Variants in NECTIN1 observed in about 807,000 individuals in gnomAD.
NECTIN1 encodes nectin cell adhesion molecule 1, also known as nectin-1.
Under a neutral mutation model 48.0 loss-of-function variants are expected in NECTIN1, and 23 were observed. That is an observed-to-expected ratio of 0.48 (90% CI 0.34 to 0.68). The LOEUF is 0.68. Ranked by LOEUF, NECTIN1 falls within the 30% of genes least tolerant of loss-of-function variation. The pLI, the probability that NECTIN1 is intolerant of heterozygous loss-of-function variation, is 0.01. For missense variants in NECTIN1, 591 were observed against 709.9 expected, an observed-to-expected ratio of 0.83 and a Z score of 1.90; for synonymous variants, 270 against 288.9, an observed-to-expected ratio of 0.93 and a Z score of 0.66.
intron 1 of NECTIN1, among the ~76,000 whole-genome samples, chr11:119,701,731 G>A (rs885430): frequency 0.61 from 93,196 of 152,002 alleles, 28,905 homozygotes; most frequent in South Asian, 0.67. Context: ...TATTCTCCAG[G>A]TCTCATTTCC....
chr11:119,691,743 G>A (rs894625964), intron 1 of NECTIN1, among the ~76,000 whole-genome samples: 1 of 152,158 alleles, frequency 6.6e-6, no homozygotes, highest in East Asian at 1.9e-4. Flanking sequence ...TAAATGGGCC[G>A]GAGCACATCC....
downstream of NECTIN1, among the ~76,000 whole-genome samples, chr11:119,657,927 A>AAG (rs1486618744): frequency 1.2e-4 from 18 of 148,124 alleles, no homozygotes; most frequent in African/African-American, 4.4e-4. Flanking sequence ...TCTCAAAAAA[A>AAG]AAAAAAAAAA....
chr11:119,661,720 G>T lies in NECTIN1; in HGVS notation c.*3027C>A, dbSNP rs1163669857. 3.0e-6 allele frequency: 3 copies of T among 985,814 alleles called. No homozygotes were observed. Among genetic ancestry groups the T allele is most frequent in the Non-Finnish European group, 3.6e-6 (3 of 829,948 alleles). 61.1% of individuals were successfully genotyped at this position (985,814 alleles called of 1,614,324 possible). On this transcript the variant is annotated 3_prime_UTR_variant, in exon 6 of 6. Transcript: ENST00000264025. ...GCCCAGGAAACAGGGCCCCTATAAG[G>T]CTCTCTTGCAGCCCGGGCACTGGGA...
intron 5 of NECTIN1, among the ~76,000 whole-genome samples, chr11:119,643,419 A>C (rs906827): frequency 0.89 from 134,827 of 152,278 alleles, 60,359 homozygotes; most frequent in East Asian, 1. Context: ...GAGGTTAAGT[A>C]ATTCGTTCAG....
At chr11:119,722,633 A>G (rs897722810) in intron 1 of NECTIN1, among the ~76,000 whole-genome samples, 2 of 152,222 alleles carry the variant, frequency 1.3e-5, no homozygotes, top group South Asian at 2.1e-4. Flanking sequence ...GGTAGCCCTC[A>G]ACCACCTCAG....
At chr11:119,651,086 G>A (rs1420075201) in intron 5 of NECTIN1, among the ~76,000 whole-genome samples, 2 of 152,162 alleles carry the variant, frequency 1.3e-5, no homozygotes, top group African/African-American at 4.8e-5. Flanking sequence ...GAACTACAGG[G>A]ACAAAAGAAT....
chr11:119,690,528 T>C (rs914440638), intron 1 of NECTIN1, among the ~76,000 whole-genome samples: 1 of 152,174 alleles, frequency 6.6e-6, no homozygotes, highest in Non-Finnish European at 1.5e-5. Flanking sequence ...CTTCTTCAGC[T>C]AGTGTGGCCT....
downstream of NECTIN1, among the ~76,000 whole-genome samples, chr11:119,657,170 T>C (rs925641576): frequency 2.0e-5 from 3 of 152,178 alleles, no homozygotes; most frequent in Non-Finnish European, 2.9e-5. Context: ...TCAAACCCTA[T>C]GTGTGTTAAC....
intron 1 of NECTIN1, among the ~76,000 whole-genome samples, chr11:119,687,715 G>T (rs1242186587): frequency 6.6e-6 from 1 of 152,230 alleles, no homozygotes; most frequent in Non-Finnish European, 1.5e-5. Context: ...TAAAAGCTCA[G>T]TATTGACATC....
chr11:119,639,164 C>T (rs778863700), intron 6 of NECTIN1, among the ~76,000 whole-genome samples: 5 of 152,134 alleles, frequency 3.3e-5, no homozygotes, highest in African/African-American at 4.8e-5. Context: ...GCACGGTATG[C>T]GGCACCGACA....
chr11:119,666,243 A>G (rs887612117), intron 5 of NECTIN1, among the ~76,000 whole-genome samples: 25 of 152,264 alleles, frequency 1.6e-4, no homozygotes, highest in African/African-American at 5.3e-4. Context: ...CCTGCCACCC[A>G]GAGAGCACAT....
chr11:119,652,117 T>A (rs1185687473), intron 5 of NECTIN1, among the ~76,000 whole-genome samples: 1 of 152,104 alleles, frequency 6.6e-6, no homozygotes, highest in Non-Finnish European at 1.5e-5. Flanking sequence ...ACAGGGAAAA[T>A]CCCATTTGGT....
At chr11:119,698,061 AGG>A (rs1246429977) in intron 1 of NECTIN1, among the ~76,000 whole-genome samples, 1 of 152,264 alleles carries the variant, frequency 6.6e-6, no homozygotes, top group Non-Finnish European at 1.5e-5. Flanking sequence ...GTGCCCAGAC[AGG>A]TAGCTGGGGA....
chr11:119,693,470 G>A (rs11217406), intron 1 of NECTIN1, among the ~76,000 whole-genome samples: 1,781 of 152,368 alleles, frequency 0.012, 20 homozygotes, highest in East Asian at 0.048. Context: ...CGGGCCAAGA[G>A]AGGAGAGTGA....
At position 119,729,083 on chromosome 11, in the gene NECTIN1, C is replaced by A. The variant is rs1428902677; in HGVS notation, c.-530G>T. On this transcript the variant is annotated 5_prime_UTR_variant, in exon 1 of 6. Coordinates refer to ENST00000264025, the MANE Select transcript of NECTIN1 (RefSeq NM_002855.5). ...TCGGCGGCCCGGGTGGCTCTGGCTG[C>A]GCGGCCGGGCGCGAGGAGAACGGGT... 1 of 151,074 alleles carries A rather than the reference C, an allele frequency of 6.6e-6. No homozygotes were observed. Among genetic ancestry groups the A allele is most frequent in the Non-Finnish European group, 1.5e-5 (1 of 67,464 alleles). The allele number at this position is 151,074 out of a possible 1,614,324, so 9.4% of individuals were successfully genotyped here.
At chr11:119,659,439 TCAGA>T (rs759650148), downstream of NECTIN1, among the ~76,000 whole-genome samples, 48 of 152,286 alleles carry the variant, frequency 3.2e-4, no homozygotes, top group Non-Finnish European at 6.8e-4. Context: ...ACTTAGACAC[TCAGA>T]CAGGTGCTGC....
At chr11:119,691,095 C>A (rs1227907906) in intron 1 of NECTIN1, among the ~76,000 whole-genome samples, 7 of 152,184 alleles carry the variant, frequency 4.6e-5, no homozygotes, top group Admixed American at 2.6e-4. Context: ...GTGTTAACCA[C>A]CAAAAGCATT....
intron 1 of NECTIN1, among the ~76,000 whole-genome samples, chr11:119,702,964 C>A (rs1865483214): frequency 6.6e-6 from 1 of 152,204 alleles, no homozygotes; most frequent in Non-Finnish European, 1.5e-5. Flanking sequence ...TGGGTTAAAC[C>A]CCCCTTGCTC....
Position 119,662,276 on chromosome 11 carries a change from CT to C in NECTIN1, c.*2470del, listed in dbSNP as rs1422014599. The C allele has an allele frequency of 1.0e-6, 1 of 985,570 alleles. No individual in the cohort carries two copies. The highest frequency in any genetic ancestry group is 1.2e-6 in the Non-Finnish European group (1 of 829,942). 61.1% of individuals were successfully genotyped at this position (985,570 alleles called of 1,614,324 possible). A position where few individuals can be genotyped will look rare whatever the true frequency, so the allele number is the denominator to read the frequency against. On this transcript the variant is annotated 3_prime_UTR_variant, in exon 6 of 6. Coordinates refer to ENST00000264025, the MANE Select transcript of NECTIN1 (RefSeq NM_002855.5). This position sits in a 1 kb window ranked among gnomAD's most constrained non-coding sequence, Gnocchi z 5.3. ...CTGTGGGCCCAGCAGTAGTGCCCAC[CT>C]TCCCACAAACTTGGGGCACAGAAAA...
Sources: allele counts gnomAD v4.1 joint callset (sites outside exome capture counted in the v4.1 genomes callset), GRCh38; gene constraint gnomAD v4.1.1; non-coding constraint Gnocchi (gnomAD v3.1); transcripts MANE v1.5; gene names NCBI Gene and HGNC (gene_info 2026-07-23, HGNC 2026-07-21).